The following FREM1 variants were observed in gnomAD, a reference collection of about 807,000 sequenced individuals.
The protein encoded by FREM1 is FRAS1-related extracellular matrix protein 1.
FREM1 carries 220 observed loss-of-function variants against 210.1 expected under a neutral mutation model. The ratio of observed to expected loss-of-function variants is 1.05; its 90% CI spans 0.94 to 1.17. The LOEUF is 1.17. Among genes scored for constraint, FREM1 ranks in the 50% most tolerant of loss-of-function variants. The pLI is 0.00. For missense variants in FREM1, 3,454 were observed against 2,675.5 expected (o/e 1.29, Z -6.42); for synonymous variants, 1,189 against 980.2 (o/e 1.21, Z -3.98).
intron 36 of FREM1, 110 bp downstream of exon 36, chr9:14,740,039 T>C (rs1379365560): frequency 1.6e-6 from 1 of 612,840 alleles, no homozygotes; most frequent in Admixed American, 2.7e-5. Flanking sequence ...TTGCCTATTA[T>C]TGTAAACCAC....
At chr9:14,748,286 C>T in intron 31 of FREM1, 115 bp downstream of exon 31, 2 of 657,532 alleles carry the variant, frequency 3.0e-6, no homozygotes, top group Non-Finnish European at 2.7e-6. Context: ...CCATGGCCCC[C>T]ACTCACTATG....
At chr9:14,755,615 T>C (rs1844200499) in intron 29 of FREM1, among the ~76,000 whole-genome samples, 3 of 152,210 alleles carry the variant, frequency 2.0e-5, no homozygotes, top group Admixed American at 2.0e-4. Flanking sequence ...GGCTCCAGCC[T>C]CAGCTTTAGG....
intron 25 of FREM1, among the ~76,000 whole-genome samples, chr9:14,771,967 T>C (rs1338616088): frequency 6.6e-6 from 1 of 152,044 alleles, no homozygotes; most frequent in African/African-American, 2.4e-5. Flanking sequence ...TGTATAGACA[T>C]AGGCAAAAAT....
intron 1 of FREM1, among the ~76,000 whole-genome samples, chr9:14,871,597 T>A (rs2131906965): frequency 1.3e-5 from 2 of 152,318 alleles, no homozygotes; most frequent in South Asian, 4.1e-4. Context: ...TCTCCCATTG[T>A]ATAGGTTGCC....
At chr9:14,751,003 C>G (rs1486349035) in intron 29 of FREM1, among the ~76,000 whole-genome samples, 2 of 152,170 alleles carry the variant, frequency 1.3e-5, no homozygotes, top group African/African-American at 4.8e-5. Flanking sequence ...GCCATCCTGT[C>G]AACACCAAGA....
chr9:14,862,958 A>G (rs926827487), intron 3 of FREM1, among the ~76,000 whole-genome samples: 4 of 152,140 alleles, frequency 2.6e-5, no homozygotes, highest in African/African-American at 9.7e-5. Context: ...CTTATGTAAA[A>G]CATAAGTTTT....
At chr9:14,856,208 C>A (rs974779588) in intron 5 of FREM1, among the ~76,000 whole-genome samples, 1 of 152,166 alleles carries the variant, frequency 6.6e-6, no homozygotes, top group African/African-American at 2.4e-5. Flanking sequence ...TATAAACCCA[C>A]TTTAAGTTGA....
intron 21 of FREM1, among the ~76,000 whole-genome samples, chr9:14,794,373 T>C (rs1308789941): frequency 6.6e-6 from 1 of 152,194 alleles, no homozygotes; most frequent in African/African-American, 2.4e-5. Flanking sequence ...ATTTATCTTA[T>C]CTACTAGCTC....
In FREM1 at chr9:14,806,939, G is replaced by C. The variant is rs16932307; in HGVS notation, c.3089-93C>G. ...ATGCAGTGACTGAAATTCTAGTTCA[G>C]AGAAGCCTCCCACGTGCAAAAACAT... is the stretch of plus-strand genomic sequence containing the variant. On this transcript the variant is annotated intron_variant, in intron 17 of 36. Coordinates refer to ENST00000380880, the MANE Select transcript of FREM1 (RefSeq NM_001379081.2). The C allele has an allele frequency of 1.8e-3, 1,235 of 690,262 alleles. 14 individuals are homozygous for C. The African/African-American group carries it at 0.019, about 11-fold the overall frequency. The allele number at this position is 690,262 out of a possible 1,614,324, so 42.8% of individuals were successfully genotyped here.
intron 1 of FREM1, among the ~76,000 whole-genome samples, chr9:14,897,574 T>C (rs530238187): frequency 1.3e-4 from 19 of 147,470 alleles, no homozygotes; most frequent in Admixed American, 1.2e-3. Context: ...AGAGGCTTAA[T>C]CGAACTGTAA....
At chr9:14,779,026 G>C (rs1849215757) in intron 24 of FREM1, among the ~76,000 whole-genome samples, 2 of 152,150 alleles carry the variant, frequency 1.3e-5, no homozygotes, top group African/African-American at 4.8e-5. Context: ...TTCTCAGGCA[G>C]AGCCTGAGAA....
intron 10 of FREM1, among the ~76,000 whole-genome samples, chr9:14,832,526 T>A (rs1823758204): frequency 6.6e-6 from 1 of 152,234 alleles, no homozygotes; most frequent in African/African-American, 2.4e-5. Flanking sequence ...CAATACCTCT[T>A]AACAACCCTA....
Position 14,750,114 on chromosome 9 carries a change from A to T in FREM1, c.5557+13T>A. ...GACCGCTCCTGATTTCAAGATGAGG[A>T]TCAAAAGAATACCTCCTTTTGAGTC... On this transcript the variant is annotated intron_variant, in intron 30 of 36. Coordinates refer to ENST00000380880, the MANE Select transcript of FREM1 (RefSeq NM_001379081.2). 1.9e-6 allele frequency: 3 copies of T among 1,613,090 alleles called. No homozygotes were observed. The highest frequency in any genetic ancestry group is 2.5e-6 in the Non-Finnish European group (3 of 1,179,556).
rs1471661392 is a variant in FREM1, at chr9:14,879,317, G to C, written c.-267-10073C>G. Among the ~76,000 whole-genome samples the C allele has an allele frequency of 7.2e-5, 3 of 41,856 alleles. No individual in the cohort carries two copies. In the African/African-American group the frequency reaches 1.7e-3, roughly 23 times the overall value. 27.5% of individuals were successfully genotyped at this position (41,856 alleles called of 152,430 possible). A position where few individuals can be genotyped will look rare whatever the true frequency, so the allele number is the denominator to read the frequency against. ...TCTGTGCCCATAACACTGAGGTTGA[G>C]GAGGTTGAGATTCTTGACTCTGGAA... On this transcript the variant is annotated intron_variant, in intron 1 of 36. Coordinates refer to ENST00000380880, the MANE Select transcript of FREM1 (RefSeq NM_001379081.2).
chr9:14,745,436 G>A (rs534676174), intron 35 of FREM1, among the ~76,000 whole-genome samples: 16 of 152,078 alleles, frequency 1.1e-4, no homozygotes, highest in Non-Finnish European at 1.9e-4. Flanking sequence ...CTACTCTTGC[G>A]AAGACTCCAA....
chr9:14,826,945 CTAT>C (rs1822569654), intron 10 of FREM1, among the ~76,000 whole-genome samples: 2 of 152,130 alleles, frequency 1.3e-5, no homozygotes, highest in South Asian at 4.1e-4. Flanking sequence ...AAATAAATTT[CTAT>C]TATTTATACA....
At chr9:14,896,082 T>C (rs796830432) in intron 1 of FREM1, among the ~76,000 whole-genome samples, 66 of 152,226 alleles carry the variant, frequency 4.3e-4, no homozygotes, top group African/African-American at 1.4e-3. Context: ...ATAAAGACCT[T>C]GCTGATGAAA....
chr9:14,798,406 T>C (rs1259493129), intron 20 of FREM1, among the ~76,000 whole-genome samples: 2 of 151,788 alleles, frequency 1.3e-5, no homozygotes, highest in Non-Finnish European at 2.9e-5. Context: ...AGGCCAGGAG[T>C]TCGAGGCCAG....
intron 10 of FREM1, among the ~76,000 whole-genome samples, chr9:14,838,657 T>G (rs1221430357): frequency 6.6e-6 from 1 of 152,180 alleles, no homozygotes; most frequent in Non-Finnish European, 1.5e-5. Flanking sequence ...CAGTAAATGT[T>G]GAAAGAACCA....
Sources: allele counts gnomAD v4.1 joint callset (sites outside exome capture counted in the v4.1 genomes callset), GRCh38; gene constraint gnomAD v4.1.1; transcripts MANE v1.5; gene names NCBI Gene and HGNC (gene_info 2026-07-23, HGNC 2026-07-21).